The following PCED1B variants were observed in gnomAD, a reference collection of about 807,000 sequenced individuals.
PCED1B encodes PC-esterase domain-containing protein 1B.
For synonymous variants in PCED1B, 251 were observed against 246.1 expected (o/e 1.02, Z -0.19); for missense variants, 573 against 573.9 (o/e 1.00, Z 0.02).
In PCED1B at chr12:47,173,584, A is replaced by G. The variant is rs1408835069; in HGVS notation, c.-525-42638A>G. 4.0e-5 allele frequency among the ~76,000 whole-genome samples: 6 copies of G among 151,132 alleles called. No individual in the cohort carries two copies. In the East Asian group the frequency reaches 9.7e-4, roughly 24 times the overall value. On this transcript the variant is annotated intron_variant, in intron 2 of 3. Coordinates refer to ENST00000546455, the MANE Select transcript of PCED1B (RefSeq NM_138371.3). The stretch of plus-strand genomic sequence containing the variant: ...TCCTTAATTCTGTACATAAACACAT[A>G]CTTTTTTTTTTTTCTTAAACATGGT...
chr12:47,157,676 A>T (rs1474002254), intron 2 of PCED1B, among the ~76,000 whole-genome samples: 1 of 152,174 alleles, frequency 6.6e-6, no homozygotes, highest in East Asian at 1.9e-4. Context: ...CCATTTTTTA[A>T]TGTATAGATC....
chr12:47,191,810 C>CT (rs370938071), intron 2 of PCED1B, among the ~76,000 whole-genome samples: 2 of 149,756 alleles, frequency 1.3e-5, no homozygotes, highest in African/African-American at 2.5e-5. Flanking sequence ...TTGTGTTGTG[C>CT]TTTTTTTTTT....
At chr12:47,154,771 G>A (rs1020841546) in intron 2 of PCED1B, among the ~76,000 whole-genome samples, 2 of 101,334 alleles carry the variant, frequency 2.0e-5, no homozygotes, top group East Asian at 6.9e-4. Context: ...AGAGGGGTGT[G>A]TGTGTGCATG....
At chr12:47,157,522 C>T (rs1388381768) in intron 2 of PCED1B, among the ~76,000 whole-genome samples, 1 of 152,126 alleles carries the variant, frequency 6.6e-6, no homozygotes, top group Non-Finnish European at 1.5e-5. Flanking sequence ...TGCAGTGAGC[C>T]ATGATAAAGC....
In PCED1B at chr12:47,235,609, G is replaced by C. The variant is rs1277783690; in HGVS notation, c.546G>C (p.Arg182=). 35 of 1,609,566 alleles carry C rather than the reference G, an allele frequency of 2.2e-5. No homozygotes were observed. Among genetic ancestry groups the C allele is most frequent in the Non-Finnish European group, 2.8e-5 (33 of 1,177,602 alleles). ...GGGGTTTTCTTCCGCCCAAGCTCCG[G>C]CGGCAGAAGGCCACCTTCCTGAAAA... The part of the protein sequence containing the change: ...VTGGFLPPKL[R]RQKATFLKNE... Residue 182 remains arginine (R), a synonymous_variant, in exon 4 of 4, where the codon CGG becomes CGC. Coordinates refer to ENST00000546455, the MANE Select transcript of PCED1B (RefSeq NM_138371.3).
In PCED1B at chr12:47,169,006, T is replaced by A. The variant is rs118035674; in HGVS notation, c.-525-47216T>A. 3.3e-3 allele frequency among the ~76,000 whole-genome samples: 507 copies of A among 152,346 alleles called. 8 individuals are homozygous for A. In the South Asian group the frequency reaches 0.041, roughly 12 times the overall value. ...TCTACTCAAAGGATATATGGTTTAA[T>A]ATTGTAGGGGAGGAAAAATATCTTC... On this transcript the variant is annotated intron_variant, in intron 2 of 3. Coordinates refer to ENST00000546455, the MANE Select transcript of PCED1B (RefSeq NM_138371.3).
intron 2 of PCED1B, among the ~76,000 whole-genome samples, chr12:47,121,206 C>T (rs1439805453): frequency 1.3e-5 from 2 of 152,108 alleles, no homozygotes; most frequent in Non-Finnish European, 2.9e-5. Flanking sequence ...TCTTTAAACA[C>T]AAGGAAAGAA....
chr12:47,108,979 G>A (rs115048126), intron 2 of PCED1B, among the ~76,000 whole-genome samples: 1,647 of 152,224 alleles, frequency 0.011, 39 homozygotes, highest in African/African-American at 0.038. Context: ...CACCACAGAT[G>A]GAATTCTTTC....
chr12:47,182,071 C>T (rs1170275902), intron 2 of PCED1B, among the ~76,000 whole-genome samples: 4 of 152,176 alleles, frequency 2.6e-5, no homozygotes, highest in Non-Finnish European at 5.9e-5. Context: ...CAGAGGACTG[C>T]GTCCAGTTAG....
chr12:47,084,286 G>A (rs1434953076), intron 1 of PCED1B, among the ~76,000 whole-genome samples: 1 of 152,132 alleles, frequency 6.6e-6, no homozygotes, highest in Non-Finnish European at 1.5e-5. Context: ...ATACTATACT[G>A]AAAGTGAAAA....
chr12:47,160,940 G>T (rs374757948), intron 2 of PCED1B, among the ~76,000 whole-genome samples: 1 of 152,152 alleles, frequency 6.6e-6, no homozygotes, highest in African/African-American at 2.4e-5. Flanking sequence ...AGCAGGAATG[G>T]ATTAGTTCCT....
At chr12:47,081,399 G>A (rs1198161961) in intron 1 of PCED1B, among the ~76,000 whole-genome samples, 2 of 152,196 alleles carry the variant, frequency 1.3e-5, no homozygotes, top group Admixed American at 1.3e-4. Flanking sequence ...AGGCAGATTT[G>A]TTAGACCAAC....
Position 47,235,839 on chromosome 12 carries a change from G to A in PCED1B, c.776G>A (p.Arg259His), listed in dbSNP as rs369833192. The change falls in exon 4 of 4, where the codon CGC becomes CAC. Residue 259 changes from arginine (R) to histidine (H), a missense_variant. By Grantham distance (29) the Arg-to-His change is conservative. Transcript: ENST00000546455. ...GCCTGGGGTGTGGAGCTGCCCCACC[G>A]CCACCCCGTGGGCGAGTGGATCAAG... ...ADAWGVELPH[R>H]HPVGEWIKKK... The A allele has an allele frequency of 3.7e-5, 58 of 1,574,404 alleles. No homozygotes were observed. In the African/African-American group the frequency reaches 5.3e-4, roughly 14 times the overall value.
At chr12:47,122,776 G>A (rs1880598) in intron 2 of PCED1B, among the ~76,000 whole-genome samples, 8,265 of 152,278 alleles carry the variant, frequency 0.054, 331 homozygotes, top group Non-Finnish European at 0.083. Context: ...GCTCTCATGT[G>A]CAGAGCTTGG....
chr12:47,214,558 A>G (rs1359213792), intron 2 of PCED1B, among the ~76,000 whole-genome samples: 2 of 152,166 alleles, frequency 1.3e-5, no homozygotes, highest in Non-Finnish European at 2.9e-5. Context: ...CTGTGATCCC[A>G]GCACTTTGGG....
chr12:47,178,923 C>T (rs901896731), intron 2 of PCED1B, among the ~76,000 whole-genome samples: 2 of 151,350 alleles, frequency 1.3e-5, no homozygotes, highest in Non-Finnish European at 2.9e-5. Flanking sequence ...GTACCAGTGT[C>T]ATGAACGTAA....
At chr12:47,098,623 C>T (rs1202235612) in intron 1 of PCED1B, among the ~76,000 whole-genome samples, 1 of 152,128 alleles carries the variant, frequency 6.6e-6, no homozygotes, top group Non-Finnish European at 1.5e-5. Context: ...GCTGGGACTA[C>T]AGGCGCCCGC....
chr12:47,235,082 T>C lies in PCED1B; in HGVS notation c.19T>C (p.Ser7Pro). MILLRA[S>P]EVRQLLHNKF... Reference sequence around the variant, plus strand: ...GGGCGTCATGATCCTTCTGCGGGCCTCCGAAGTGCGGCAGCTGCTTCACAA... The same window carrying C: ...GGGCGTCATGATCCTTCTGCGGGCCCCCGAAGTGCGGCAGCTGCTTCACAA... The change falls in exon 4 of 4, where the codon TCC (serine) becomes CCC (proline). Residue 7 changes from serine to proline, a missense_variant. Ser to Pro is a moderately conservative substitution (Grantham distance 74, BLOSUM62 -1). Transcript: ENST00000546455. The C allele has an allele frequency of 6.5e-7, 1 of 1,528,268 alleles. No individual in the cohort carries two copies. Among genetic ancestry groups the C allele is most frequent in the Non-Finnish European group, 8.8e-7 (1 of 1,139,594 alleles). The allele number at this position is 1,528,268 out of a possible 1,614,324, so 94.7% of individuals were successfully genotyped here. A position where few individuals can be genotyped will look rare whatever the true frequency, so the allele number is the denominator to read the frequency against.
intron 3 of PCED1B, among the ~76,000 whole-genome samples, chr12:47,223,060 A>T (rs1488668116): frequency 1.3e-5 from 2 of 152,174 alleles, no homozygotes; most frequent in Admixed American, 1.3e-4. Context: ...AGAAGAAAAG[A>T]GCCCTTCAGT....
Sources: gnomAD v4.1 joint callset for allele counts (sites outside exome capture counted in the v4.1 genomes callset) on GRCh38, gnomAD v4.1.1 for gene constraint, MANE v1.5 for transcripts, NCBI Gene and HGNC (gene_info 2026-07-23, HGNC 2026-07-21) for gene names.